The following NF1 variants were observed in gnomAD, a reference collection of about 807,000 sequenced individuals.
NF1 encodes the protein neurofibromin.
A neutral mutation model predicts 325.7 loss-of-function variants in NF1; 122 were observed. The observed-to-expected ratio is 0.37, with a 90% confidence interval of 0.32 to 0.44. The LOEUF (loss-of-function observed/expected upper bound fraction) is 0.44. Among genes scored for constraint, NF1 ranks in the 20% least tolerant of loss-of-function variants. NF1 has a pLI of 1.00. For synonymous variants in NF1, 1,091 were observed against 1,186.0 expected (o/e 0.92, Z 1.65); for missense variants, 2,140 against 3,415.4 (o/e 0.63, Z 9.31).
chr17:31,212,586 T>C (rs2066747501), intron 12 of NF1, among the ~76,000 whole-genome samples: 1 of 152,174 alleles, frequency 6.6e-6, no homozygotes, highest in Non-Finnish European at 1.5e-5. Flanking sequence ...GGTGCATGCC[T>C]GTAGTCCCAG....
In NF1 at chr17:31,375,167, A is replaced by G. The variant is rs1225339392; in HGVS notation, c.*1012A>G. 3.1e-5 allele frequency: 7 copies of G among 222,542 alleles called. No homozygotes were observed. The East Asian group carries it at 4.6e-4, about 15-fold the overall frequency. 13.8% of individuals were successfully genotyped at this position (222,542 alleles called of 1,614,324 possible). ...ATAGCAAAATGGAATGGTACGTGAC[A>G]TTTAGGGTAGCTGATATTTTTATTT... On this transcript the variant is annotated 3_prime_UTR_variant, in exon 58 of 58. Coordinates refer to ENST00000358273, the MANE Select transcript of NF1 (RefSeq NM_001042492.3).
chr17:31,358,309 G>T (rs924440845), intron 54 of NF1, 171 bp from the exon 55 acceptor site: 1 of 669,404 alleles, frequency 1.5e-6, no homozygotes. Context: ...ACACACACAT[G>T]TTCATTGTAG....
rs772197660 is a variant in NF1, at chr17:31,357,378, C to G, written c.7970+9C>G. 6.3e-7 allele frequency: 1 copy of G among 1,598,926 alleles called. No individual in the cohort carries two copies. The highest frequency in any genetic ancestry group is 1.3e-5 in the African/African-American group (1 of 74,694). On this transcript the variant is annotated intron_variant, in intron 54 of 57. Coordinates refer to ENST00000358273, the MANE Select transcript of NF1 (RefSeq NM_001042492.3). ...AAAGTCTTTCCTGTTGTGTAAGTAT[C>G]TCCTTTTGATTTTAATTCACCTTCG...
At chr17:31,156,776 C>G (rs2065670905) in intron 2 of NF1, among the ~76,000 whole-genome samples, 1 of 152,082 alleles carries the variant, frequency 6.6e-6, no homozygotes, top group African/African-American at 2.4e-5. Context: ...TCAGAGTACT[C>G]CAGCTGTCCT....
chr17:31,245,501 C>T (rs977945757), intron 29 of NF1, among the ~76,000 whole-genome samples: 1 of 152,206 alleles, frequency 6.6e-6, no homozygotes, highest in African/African-American at 2.4e-5. Context: ...AATTACAAGC[C>T]CCAGGTTGTT....
At chr17:31,206,697 T>C (rs1233480929) in intron 12 of NF1, among the ~76,000 whole-genome samples, 1 of 151,806 alleles carries the variant, frequency 6.6e-6, no homozygotes, top group Non-Finnish European at 1.5e-5. Context: ...GATTAGCCTC[T>C]CACGTTTTGG....
intron 56 of NF1, 47 bp from the exon 57 acceptor site, chr17:31,360,440 T>G (rs2151587410): frequency 6.5e-7 from 1 of 1,545,100 alleles, no homozygotes; most frequent in Non-Finnish European, 8.9e-7. Context: ...AGATGGGGAT[T>G]TACTTAAAAA....
At chr17:31,222,315 A>C in intron 15 of NF1, 4 of 1,043,204 alleles carry the variant, frequency 3.8e-6, no homozygotes, top group Middle Eastern at 4.4e-4. Flanking sequence ...ATCTTTCATA[A>C]ACTTTCTGTA....
rs2151434835 is a variant in NF1 at position 31,232,861 on chromosome 17, G to A, written c.3476G>A (p.Ser1159Asn). 1 of 1,614,138 alleles carries A rather than the reference G, an allele frequency of 6.2e-7. No homozygotes were observed. The highest frequency in any genetic ancestry group is 8.5e-7 in the Non-Finnish European group (1 of 1,180,002). Residue 1159 changes from serine (S) to asparagine (N), a missense_variant, in exon 26 of 58, where the codon AGT becomes AAT. Physicochemically the swap from Ser to Asn is conservative, Grantham distance 46. Transcript: ENST00000358273. Reference sequence around the variant, plus strand: ...AACTTACTCAATGCCAACGTAGACAGTGGTCTCATGCACTCCATAGGTGAG... The same window carrying A: ...AACTTACTCAATGCCAACGTAGACAATGGTCTCATGCACTCCATAGGTGAG... ...MSNLLNANVDSGLMHSIGLGY... is the reference protein window; with the variant it reads ...MSNLLNANVDNGLMHSIGLGY...
chr17:31,218,030 G>A lies in NF1; in HGVS notation c.1528-975G>A, dbSNP rs17883757. Among the ~76,000 whole-genome samples, 582 of 152,078 alleles carry A rather than the reference G, an allele frequency of 3.8e-3. 4 individuals carry two copies. Among genetic ancestry groups the A allele is most frequent in the South Asian group, 0.013 (61 of 4,810 alleles). On this transcript the variant is annotated intron_variant, in intron 13 of 57. Coordinates refer to ENST00000358273, the MANE Select transcript of NF1 (RefSeq NM_001042492.3). ...CACTATATTTTTCCACGATGAAAAG[G>A]ACCGAAGTATGGGTATCTGCCGATG... is the stretch of plus-strand genomic sequence containing the variant.
intron 30 of NF1, chr17:31,251,106 G>T (rs993531274): frequency 7.1e-5 from 14 of 196,346 alleles, no homozygotes; most frequent in African/African-American, 3.2e-4. Context: ...TCTCAAGATA[G>T]TATTTTATTG....
intron 36 of NF1, among the ~76,000 whole-genome samples, chr17:31,298,043 G>GT: frequency 6.6e-6 from 1 of 151,970 alleles, no homozygotes; most frequent in African/African-American, 2.4e-5. Context: ...TATGAGTATT[G>GT]TTTTTTCCAA....
chr17:31,279,431 C>T (rs2068075355), intron 36 of NF1, among the ~76,000 whole-genome samples: 1 of 151,998 alleles, frequency 6.6e-6, no homozygotes, highest in Non-Finnish European at 1.5e-5. Context: ...ACATTTAAAA[C>T]ATTTTAGTAG....
chr17:31,246,035 G>A (rs1238835675), intron 29 of NF1, among the ~76,000 whole-genome samples: 1 of 152,124 alleles, frequency 6.6e-6, no homozygotes, highest in Non-Finnish European at 1.5e-5. Flanking sequence ...TAAGAGCAAT[G>A]TATCAGGAAT....
At chr17:31,372,383 G>A (rs757650294) in intron 57 of NF1, among the ~76,000 whole-genome samples, 5 of 152,042 alleles carry the variant, frequency 3.3e-5, no homozygotes, top group Non-Finnish European at 5.9e-5. Flanking sequence ...GCAGCTGTTT[G>A]CTTTCCCGCC....
chr17:31,354,281 A>G (rs1043555505), intron 51 of NF1, among the ~76,000 whole-genome samples: 2 of 152,194 alleles, frequency 1.3e-5, no homozygotes, highest in Admixed American at 6.5e-5. Flanking sequence ...AGGAGATAAC[A>G]TTTGGGCTGT....
At chr17:31,112,434 C>T (rs1164086051) in intron 1 of NF1, among the ~76,000 whole-genome samples, 1 of 152,142 alleles carries the variant, frequency 6.6e-6, no homozygotes, top group Admixed American at 6.5e-5. Flanking sequence ...TGTTCCACAT[C>T]TTTGCCAACA....
chr17:31,096,708 C>G (rs999622675), intron 1 of NF1, among the ~76,000 whole-genome samples: 4 of 152,074 alleles, frequency 2.6e-5, no homozygotes, highest in Non-Finnish European at 4.4e-5. Flanking sequence ...GCGTTTCAGA[C>G]CTACCTGGAA....
chr17:31,321,361 AAG>A (rs1427884918), intron 36 of NF1: 1 of 152,164 alleles, frequency 6.6e-6, no homozygotes, highest in East Asian at 1.9e-4. Context: ...CAGAAAAAAA[AAG>A]TATACATTTT....
Sources: gnomAD v4.1 joint callset for allele counts (sites outside exome capture counted in the v4.1 genomes callset) on GRCh38, gnomAD v4.1.1 for gene constraint, MANE v1.5 for transcripts, NCBI Gene and HGNC (gene_info 2026-07-23, HGNC 2026-07-21) for gene names.